Variants in NEDD9 observed in about 807,000 individuals in gnomAD.
NEDD9 encodes enhancer of filamentation 1.
In NEDD9, 26 loss-of-function variants were observed where a neutral mutation model predicts 76.6. The ratio of observed to expected loss-of-function variants is 0.34; its 90% confidence interval spans 0.25 to 0.47. NEDD9 has a LOEUF of 0.47. Among genes scored for constraint, NEDD9 ranks in the 20% least tolerant of loss-of-function variants. The pLI, the probability that NEDD9 is intolerant of heterozygous loss-of-function variation, is 1.00. For synonymous variants in NEDD9, 392 were observed against 414.2 expected, an observed-to-expected ratio of 0.95 and a Z score of 0.65; for missense variants, 937 against 1,058.5, an observed-to-expected ratio of 0.89 and a Z score of 1.59.
chr6:11,344,729 C>G (rs1372263123), intron 1 of NEDD9, among the ~76,000 whole-genome samples: 1 of 152,226 alleles, frequency 6.6e-6, no homozygotes, highest in East Asian at 1.9e-4. Context: ...CCATCATGAG[C>G]ATCAGCCTCT....
intron 1 of NEDD9, among the ~76,000 whole-genome samples, chr6:11,380,235 G>A (rs750974242): frequency 2.6e-5 from 4 of 152,202 alleles, no homozygotes; most frequent in South Asian, 2.1e-4. Context: ...GTAGGTGGCC[G>A]GTGGTCTTAG....
Position 11,213,161 on chromosome 6 carries a change from T to A in NEDD9, c.459+120A>T. 1.1e-6 allele frequency: 1 copy of A among 909,108 alleles called. No individual in the cohort carries two copies. The highest frequency in any genetic ancestry group is 1.7e-6 in the Non-Finnish European group (1 of 605,990). 56.3% of individuals were successfully genotyped at this position (909,108 alleles called of 1,614,324 possible). On this transcript the variant is annotated intron_variant, in intron 2 of 6. Coordinates refer to ENST00000379446, the MANE Select transcript of NEDD9 (RefSeq NM_006403.4). The surrounding 1 kb of genome is among the most constrained non-coding windows in gnomAD (Gnocchi z 5.4). ...CAAACATGATGCCTGAGCTAAGGTA[T>A]TGGTTATATCTACTTCTTGGCAGCT...
At position 11,190,385 on chromosome 6, in the gene NEDD9, G is replaced by A; in HGVS notation, c.1484C>T (p.Ser495Phe). ...GCTGGTTTGACTCAGGATCTGGTGG[G>A]AGTCTTCAACTCGTTGCAGCTCCCG... is the stretch of plus-strand genomic sequence containing the variant. ...MKRELQRVED[S>F]HQILSQTSHD... is the part of the protein sequence containing the mutation. The change falls in exon 5 of 7, where the codon TCC (serine) becomes TTC (phenylalanine). Residue 495 changes from serine to phenylalanine, a missense_variant. Ser to Phe is a radical substitution (Grantham distance 155). Coordinates refer to ENST00000379446, the MANE Select transcript of NEDD9 (RefSeq NM_006403.4). This position sits in a 1 kb window ranked among gnomAD's most constrained non-coding sequence, Gnocchi z 5.8. The A allele has an allele frequency of 1.2e-6, 2 of 1,614,180 alleles. No individual in the cohort carries two copies. Among genetic ancestry groups the A allele is most frequent in the South Asian group, 2.2e-5 (2 of 91,066 alleles).
chr6:11,317,989 A>G (rs1247038666), intron 2 of NEDD9, among the ~76,000 whole-genome samples: 3 of 152,230 alleles, frequency 2.0e-5, no homozygotes, highest in African/African-American at 7.2e-5. Flanking sequence ...TCCCCTGAGC[A>G]AGAGAGAAAT....
intron 3 of NEDD9, chr6:11,305,920 CA>C: frequency 6.7e-7 from 1 of 1,503,048 alleles, no homozygotes; most frequent in Non-Finnish European, 9.3e-7. Flanking sequence ...ATTATTATTG[CA>C]GAGAATTTAG....
At chr6:11,234,991 C>A (rs531212027), upstream of NEDD9, among the ~76,000 whole-genome samples, 2 of 152,060 alleles carry the variant, frequency 1.3e-5, no homozygotes, top group Non-Finnish European at 1.5e-5. Flanking sequence ...GGATTACAGG[C>A]GTGGGCCACT....
At chr6:11,186,775 G>A (rs1581939708) in intron 6 of NEDD9, among the ~76,000 whole-genome samples, 1 of 152,136 alleles carries the variant, frequency 6.6e-6, no homozygotes, top group East Asian at 1.9e-4. Context: ...CCGCCACCAT[G>A]CCTGGCTAAT....
chr6:11,346,080 G>A (rs530822984), intron 1 of NEDD9, among the ~76,000 whole-genome samples: 2 of 152,154 alleles, frequency 1.3e-5, no homozygotes, highest in South Asian at 2.1e-4. Flanking sequence ...ATGGTCTAGC[G>A]TGTTTATTTA....
chr6:11,370,241 G>A lies in NEDD9; in HGVS notation c.-214+11898C>T, dbSNP rs572699706. 3.3e-5 allele frequency among the ~76,000 whole-genome samples: 5 copies of A among 152,312 alleles called. No individual in the cohort carries two copies. In the South Asian group the frequency reaches 1.0e-3, roughly 32 times the overall value. On this transcript the variant is annotated intron_variant, in intron 1 of 3. Transcript: ENST00000397378. This position sits in a 1 kb window ranked among gnomAD's most constrained non-coding sequence, Gnocchi z 4.2. ...GAGTAAAACGCTGCACCGAAGCTCT[G>A]CTGACGTTTTCCTATGCTGAAGCAA...
intron 2 of NEDD9, chr6:11,200,156 G>T: frequency 3.9e-6 from 1 of 254,510 alleles, no homozygotes; most frequent in Non-Finnish European, 8.3e-6. Context: ...CTTTGGGTAA[G>T]GGGGAACATT....
chr6:11,271,957 A>T (rs1006417767), intron 3 of NEDD9: 1 of 152,244 alleles, frequency 6.6e-6, no homozygotes, highest in Non-Finnish European at 1.5e-5. Context: ...ATAAGCAACA[A>T]GACACATCCC....
intron 1 of NEDD9, among the ~76,000 whole-genome samples, chr6:11,347,112 A>G (rs1259040801): frequency 6.6e-6 from 1 of 152,152 alleles, no homozygotes; most frequent in Non-Finnish European, 1.5e-5. Flanking sequence ...CAGAAGAGCA[A>G]GCCCAAGAGG....
chr6:11,347,414 T>A (rs928247563), intron 1 of NEDD9, among the ~76,000 whole-genome samples: 1 of 152,160 alleles, frequency 6.6e-6, no homozygotes, highest in African/African-American at 2.4e-5. Context: ...CCTTCCCAAC[T>A]CATTCTATGA....
intron 2 of NEDD9, among the ~76,000 whole-genome samples, chr6:11,329,582 A>G (rs1883238): frequency 0.26 from 38,799 of 152,120 alleles, 5,724 homozygotes; most frequent in African/African-American, 0.42. Flanking sequence ...TTTTAAGAGC[A>G]CTTACAATGT....
chr6:11,316,350 A>G (rs114678474), intron 2 of NEDD9, among the ~76,000 whole-genome samples: 294 of 152,208 alleles, frequency 1.9e-3, no homozygotes, highest in African/African-American at 6.6e-3. Context: ...TTTATCATCA[A>G]AGTCAGGATG....
chr6:11,291,305 C>A lies in NEDD9; in HGVS notation c.12+14687G>T, dbSNP rs2327395. 3.2e-4 allele frequency among the ~76,000 whole-genome samples: 42 copies of A among 131,198 alleles called. 1 individual carries two copies. The highest frequency in any genetic ancestry group is 1.2e-3 in the African/African-American group (40 of 33,218). The allele number at this position is 131,198 out of a possible 152,430, so 86.1% of individuals were successfully genotyped here. ...TTTTTTTTTTTTTGAGACGGAGTCT[C>A]GCTCTGTCGCCCAGGCTGGAGTGCA... On this transcript the variant is annotated intron_variant, in intron 3 of 3. Coordinates refer to the NEDD9 transcript ENST00000397378.
At chr6:11,348,799 A>G (rs1465739936) in intron 1 of NEDD9, among the ~76,000 whole-genome samples, 3 of 152,204 alleles carry the variant, frequency 2.0e-5, no homozygotes, top group Non-Finnish European at 4.4e-5. Context: ...AGTTAAATGT[A>G]AAACCCAAAA....
At chr6:11,253,914 T>A (rs543642900) in intron 3 of NEDD9, among the ~76,000 whole-genome samples, 5 of 152,318 alleles carry the variant, frequency 3.3e-5, no homozygotes, top group East Asian at 1.9e-4. Flanking sequence ...TATTTTTTTT[T>A]AAATGAATTT....
chr6:11,360,712 G>T (rs933071340), intron 1 of NEDD9, among the ~76,000 whole-genome samples: 1 of 152,184 alleles, frequency 6.6e-6, no homozygotes, highest in Admixed American at 6.5e-5. Flanking sequence ...CATGCTTCCT[G>T]TATAGCCTGC....
Sources: allele counts gnomAD v4.1 joint callset (sites outside exome capture counted in the v4.1 genomes callset), GRCh38; gene constraint gnomAD v4.1.1; non-coding constraint Gnocchi (gnomAD v3.1); transcripts MANE v1.5; gene names NCBI Gene and HGNC (gene_info 2026-07-23, HGNC 2026-07-21).